Variants in COL12A1 observed in about 807,000 individuals in gnomAD.
COL12A1 encodes the protein collagen type XII alpha 1 chain, also known as collagen alpha-1(XII) chain.
COL12A1 carries 114 observed loss-of-function variants against 349.7 expected under a neutral mutation model. The ratio of observed to expected loss-of-function variants is 0.33; its 90% CI spans 0.28 to 0.38. COL12A1 has a LOEUF of 0.38. Among genes scored for constraint, COL12A1 ranks in the 10% least tolerant of loss-of-function variants. The probability of loss-of-function intolerance (pLI) is 1.00; values close to 1 mark genes in which losing one functional copy is unlikely to be tolerated. For synonymous variants in COL12A1, 1,369 were observed against 1,329.0 expected, an observed-to-expected ratio of 1.03 and a Z score of -0.66; for missense variants, 3,284 against 3,756.9, an observed-to-expected ratio of 0.87 and a Z score of 3.29.
chr6:75,163,030 G>A (rs1300637401), intron 14 of COL12A1, among the ~76,000 whole-genome samples: 1 of 152,198 alleles, frequency 6.6e-6, no homozygotes, highest in Non-Finnish European at 1.5e-5. Context: ...TGGAGAGGAT[G>A]TGGAGAAATA....
At chr6:75,102,242 A>G (rs1450590921) in intron 56 of COL12A1, among the ~76,000 whole-genome samples, 190 bp from the exon 57 acceptor site, 1 of 152,220 alleles carries the variant, frequency 6.6e-6, no homozygotes, top group African/African-American at 2.4e-5. Flanking sequence ...TCTTTAAACT[A>G]CAAATGCTGT....
At chr6:75,161,351 T>C (rs1438422549) in intron 14 of COL12A1, among the ~76,000 whole-genome samples, 2 of 152,230 alleles carry the variant, frequency 1.3e-5, no homozygotes, top group East Asian at 3.8e-4. Flanking sequence ...ATTATTATAC[T>C]GTATTTTACT....
At chr6:75,128,448 A>C in intron 37 of COL12A1, 23 bp from the exon 38 acceptor site, 2 of 1,529,134 alleles carry the variant, frequency 1.3e-6, no homozygotes, top group Non-Finnish European at 1.8e-6. Context: ...TTAAATTATA[A>C]ATATATTACC....
chr6:75,164,573 A>G lies in COL12A1; in HGVS notation c.2983+934T>C, dbSNP rs529390148. Among the ~76,000 whole-genome samples the G allele has an allele frequency of 3.6e-4, 55 of 152,254 alleles. 1 individual carries two copies. In the South Asian group the frequency reaches 0.011, roughly 32 times the overall value. On this transcript the variant is annotated intron_variant, in intron 14 of 65. Transcript: ENST00000322507. The stretch of plus-strand genomic sequence containing the variant: ...GGTTTCAATTGTTTGTTTTTAATAG[A>G]TTTTGTATTGTTTTAGAGCAGTTTT...
At chr6:75,193,511 C>T (rs1422798153) in intron 3 of COL12A1, among the ~76,000 whole-genome samples, 1 of 152,140 alleles carries the variant, frequency 6.6e-6, no homozygotes, top group Non-Finnish European at 1.5e-5. Flanking sequence ...CTACTGTCAG[C>T]CAGTCAAGAC....
intron 31 of COL12A1, among the ~76,000 whole-genome samples, chr6:75,137,046 C>T (rs1007120980): frequency 2.0e-5 from 3 of 152,020 alleles, no homozygotes; most frequent in African/African-American, 7.2e-5. Context: ...AGAAAATAAA[C>T]ATTATAGGTA....
At chr6:75,171,735 C>T (rs1229542378) in intron 13 of COL12A1, among the ~76,000 whole-genome samples, 1 of 152,184 alleles carries the variant, frequency 6.6e-6, no homozygotes, top group Non-Finnish European at 1.5e-5. Flanking sequence ...CCATCATATC[C>T]TATTCCTGTA....
chr6:75,181,827 C>T lies in COL12A1; in HGVS notation c.1892-616G>A, dbSNP rs201744439. Among the ~76,000 whole-genome samples the T allele has an allele frequency of 2.2e-4, 33 of 151,586 alleles. No individual in the cohort carries two copies. In the South Asian group the frequency reaches 6.2e-3, roughly 29 times the overall value. ...AAGGCAGGAAGGGTATGGGGGCTAACGCCTATGATCTCAGCACTTTGGGAG... is the reference window on the plus strand; with the variant it reads ...AAGGCAGGAAGGGTATGGGGGCTAATGCCTATGATCTCAGCACTTTGGGAG... On this transcript the variant is annotated intron_variant, in intron 10 of 65. Transcript: ENST00000322507.
Position 75,130,799 on chromosome 6 carries a change from C to G in COL12A1, c.6067+53G>C, listed in dbSNP as rs1343016624. 3.1e-6 allele frequency: 5 copies of G among 1,605,860 alleles called. No homozygotes were observed. In the African/African-American group the frequency reaches 4.0e-5, roughly 13 times the overall value. ...CCCACCACTCATTCAATCAGAGAAG[C>G]CCTGCCAATCTAGCTACAAGGGAAT... On this transcript the variant is annotated intron_variant, in intron 36 of 65. Transcript: ENST00000322507.
chr6:75,141,472 C>G (rs549068957), intron 27 of COL12A1, among the ~76,000 whole-genome samples: 1 of 152,152 alleles, frequency 6.6e-6, no homozygotes, highest in Non-Finnish European at 1.5e-5. Context: ...CCCGGTATCC[C>G]CCAGCACTCC....
chr6:75,171,223 A>G (rs1768616101), intron 13 of COL12A1, among the ~76,000 whole-genome samples: 1 of 152,238 alleles, frequency 6.6e-6, no homozygotes, highest in African/African-American at 2.4e-5. Context: ...GGGGAAAAAA[A>G]CAATGTAAAT....
chr6:75,124,933 C>CAT (rs1765938925), intron 40 of COL12A1, among the ~76,000 whole-genome samples, 194 bp downstream of exon 40: 1 of 151,816 alleles, frequency 6.6e-6, no homozygotes. Context: ...AATTTCTCAC[C>CAT]ATATATATTT....
intron 8 of COL12A1, among the ~76,000 whole-genome samples, chr6:75,185,346 T>C (rs1769556717): frequency 6.6e-6 from 1 of 152,094 alleles, no homozygotes; most frequent in African/African-American, 2.4e-5. Flanking sequence ...GAGAGCTAAA[T>C]CAGGAACGAA....
chr6:75,177,827 C>CTATA lies in COL12A1; in HGVS notation c.2269_2272dup (p.Arg758IlefsTer2). ...TCTGCTCTCTCCACCAGCAACTGGT[C>CTATA]TATATATAATTCGATATCTTAAAAC... On this transcript the variant is annotated stop_gained and frameshift_variant, in exon 12 of 66. Coordinates refer to ENST00000322507, the MANE Select transcript of COL12A1 (RefSeq NM_004370.6). LOFTEE classifies it high-confidence loss of function. 6.2e-7 allele frequency: 1 copy of CTATA among 1,614,064 alleles called. No individual in the cohort carries two copies. The highest frequency in any genetic ancestry group is 8.5e-7 in the Non-Finnish European group (1 of 1,180,020).
At chr6:75,106,383 T>A in intron 53 of COL12A1, 36 bp downstream of exon 53, 1 of 1,565,880 alleles carries the variant, frequency 6.4e-7, no homozygotes, top group East Asian at 2.2e-5. Flanking sequence ...GGGGGACTGT[T>A]AAAGCCATGG....
At chr6:75,189,452 C>T (rs1048156937) in intron 6 of COL12A1, 71 bp from the exon 7 acceptor site, 5 of 1,573,708 alleles carry the variant, frequency 3.2e-6, no homozygotes, top group Middle Eastern at 1.7e-4. Context: ...ACTATGTGAA[C>T]AATGTCAAAA....
At chr6:75,189,981 A>G (rs1313650630) in intron 5 of COL12A1, among the ~76,000 whole-genome samples, 166 bp from the exon 6 acceptor site, 2 of 152,016 alleles carry the variant, frequency 1.3e-5, no homozygotes, top group Admixed American at 1.3e-4. Flanking sequence ...TTTTACTAAC[A>G]ACACATAGAA....
intron 1 of COL12A1, among the ~76,000 whole-genome samples, chr6:75,205,491 A>T (rs1770734257): frequency 6.6e-6 from 1 of 151,924 alleles, no homozygotes. Flanking sequence ...GCATCTACAG[A>T]TGAAACTCCT....
At chr6:75,159,479 C>A (rs1767922414) in intron 14 of COL12A1, among the ~76,000 whole-genome samples, 1 of 147,412 alleles carries the variant, frequency 6.8e-6, no homozygotes, top group African/African-American at 2.5e-5. Flanking sequence ...TATTTCCAAA[C>A]AAAAAATCTA....
Sources: allele counts gnomAD v4.1 joint callset (sites outside exome capture counted in the v4.1 genomes callset), GRCh38; gene constraint gnomAD v4.1.1; transcripts MANE v1.5; gene names NCBI Gene and HGNC (gene_info 2026-07-23, HGNC 2026-07-21).